Variants in PPP3CA observed in about 807,000 individuals in gnomAD.
The protein encoded by PPP3CA is protein phosphatase 3 catalytic subunit alpha.
A neutral mutation model predicts 66.5 loss-of-function variants in PPP3CA; 14 were observed. The observed-to-expected ratio is 0.21, with a 90% CI of 0.14 to 0.33. PPP3CA has a LOEUF of 0.33. Ranked by LOEUF, PPP3CA falls within the 10% of genes least tolerant of loss-of-function variation. The probability of loss-of-function intolerance (pLI) is 1.00; values close to 1 mark genes in which losing one functional copy is unlikely to be tolerated. For missense variants in PPP3CA, 317 were observed against 639.5 expected, an observed-to-expected ratio of 0.50 and a Z score of 5.44; for synonymous variants, 232 against 226.2, an observed-to-expected ratio of 1.03 and a Z score of -0.23.
intron 1 of PPP3CA, among the ~76,000 whole-genome samples, chr4:101,232,801 T>C (rs1473194432): frequency 6.6e-6 from 1 of 151,764 alleles, no homozygotes; most frequent in Non-Finnish European, 1.5e-5. Context: ...TTATTATTTT[T>C]TGTTCTTTTA....
chr4:101,271,708 T>C (rs776495454), intron 1 of PPP3CA, among the ~76,000 whole-genome samples: 13 of 152,138 alleles, frequency 8.5e-5, no homozygotes, highest in Non-Finnish European at 1.8e-4. Flanking sequence ...TGTTGCTACA[T>C]GAGTCAGCAC....
intron 9 of PPP3CA, 125 bp downstream of exon 9, chr4:101,063,106 TC>T (rs1213589569): frequency 8.3e-7 from 1 of 1,204,354 alleles, no homozygotes; most frequent in African/African-American, 1.5e-5. Flanking sequence ...CCAAATCACA[TC>T]TTTCATTGTA....
intron 8 of PPP3CA, among the ~76,000 whole-genome samples, chr4:101,073,792 CTTA>C (rs1458571373): frequency 6.6e-6 from 1 of 152,036 alleles, no homozygotes; most frequent in Non-Finnish European, 1.5e-5. Context: ...GGGGGGATGT[CTTA>C]TTGTTTTACT....
chr4:101,106,450 A>AAAGAAGAG lies in PPP3CA; in HGVS notation c.384+2503_384+2504insCTCTTCTT, dbSNP rs751759518. ...GAAAGAAAGAAAGAAAGAAAGAAAG[A>AAAGAAGAG]AAGAGAAAAGAAAAGAAAAGAAAAG... On this transcript the variant is annotated intron_variant, in intron 3 of 13. Coordinates refer to ENST00000394854, the MANE Select transcript of PPP3CA (RefSeq NM_000944.5). Among the ~76,000 whole-genome samples the AAAGAAGAG allele has an allele frequency of 6.2e-3, 69 of 11,122 alleles. 22 individuals carry two copies. Among genetic ancestry groups the AAAGAAGAG allele is most frequent in the African/African-American group, 0.021 (53 of 2,472 alleles). The allele number at this position is 11,122 out of a possible 152,430, so 7.3% of individuals were successfully genotyped here. A position where few individuals can be genotyped will look rare whatever the true frequency, so the allele number is the denominator to read the frequency against.
intron 1 of PPP3CA, among the ~76,000 whole-genome samples, chr4:101,299,808 A>G (rs1026570176): frequency 2.6e-5 from 4 of 152,314 alleles, no homozygotes; most frequent in Admixed American, 2.6e-4. Flanking sequence ...TCATCAGGTC[A>G]TAAGCATTAG....
intron 10 of PPP3CA, among the ~76,000 whole-genome samples, chr4:101,042,086 T>C (rs533682514): frequency 6.6e-6 from 1 of 152,212 alleles, no homozygotes; most frequent in Admixed American, 6.5e-5. Flanking sequence ...TTTGATTGTG[T>C]GGATCAATTA....
intron 1 of PPP3CA, among the ~76,000 whole-genome samples, chr4:101,323,201 C>T (rs1729095822): frequency 6.6e-6 from 1 of 152,120 alleles, no homozygotes; most frequent in Admixed American, 6.5e-5. Flanking sequence ...ACTTGCCTGC[C>T]CCATTTCCTC....
intron 1 of PPP3CA, among the ~76,000 whole-genome samples, chr4:101,219,531 A>T (rs1725559497): frequency 6.6e-6 from 1 of 151,948 alleles, no homozygotes. Flanking sequence ...AGCTTTCAGT[A>T]GAAAAGCCTA....
intron 1 of PPP3CA, among the ~76,000 whole-genome samples, chr4:101,213,173 T>C (rs1488611544): frequency 6.6e-6 from 1 of 152,174 alleles, no homozygotes; most frequent in Non-Finnish European, 1.5e-5. Flanking sequence ...ATAAATATGA[T>C]AGTTTTTTTA....
intron 6 of PPP3CA, among the ~76,000 whole-genome samples, chr4:101,087,986 A>G (rs958044458): frequency 2.6e-5 from 4 of 152,086 alleles, no homozygotes; most frequent in Admixed American, 6.5e-5. Context: ...ATCTTCCCCA[A>G]TGACTCTGGT....
At chr4:101,027,619 A>C (rs1460318070) in intron 13 of PPP3CA, among the ~76,000 whole-genome samples, 1 of 152,188 alleles carries the variant, frequency 6.6e-6, no homozygotes, top group African/African-American at 2.4e-5. Context: ...GAATAGCATG[A>C]AGTGGTACTC....
chr4:101,117,609 C>T (rs955307444), intron 2 of PPP3CA, among the ~76,000 whole-genome samples: 1 of 151,486 alleles, frequency 6.6e-6, no homozygotes, highest in Admixed American at 6.6e-5. Context: ...AGCATCATAG[C>T]ATTATATAAA....
At chr4:101,305,766 G>T (rs529267810) in intron 1 of PPP3CA, among the ~76,000 whole-genome samples, 222 of 152,244 alleles carry the variant, frequency 1.5e-3, no homozygotes, top group Non-Finnish European at 2.4e-3. Context: ...AAAACAGCAG[G>T]TTATGGAGGG....
At chr4:101,102,240 G>A (rs529481617) in intron 3 of PPP3CA, among the ~76,000 whole-genome samples, 6 of 150,820 alleles carry the variant, frequency 4.0e-5, no homozygotes, top group African/African-American at 1.5e-4. Context: ...AGGAGGGAGG[G>A]AGGCAGAGAA....
Position 101,203,419 on chromosome 4 carries a change from C to T in PPP3CA, c.59-7303G>A, listed in dbSNP as rs529165285. ...CTAAGGCAGGAGAACCACCTGAACC[C>T]GGGAGGCGGAGGCTGCAGTGAGCCG... On this transcript the variant is annotated intron_variant, in intron 1 of 13. Coordinates refer to ENST00000394854, the MANE Select transcript of PPP3CA (RefSeq NM_000944.5). 7.1e-4 allele frequency among the ~76,000 whole-genome samples: 108 copies of T among 152,154 alleles called. 1 individual carries two copies. The highest frequency in any genetic ancestry group is 2.5e-3 in the African/African-American group (105 of 41,522).
intron 2 of PPP3CA, among the ~76,000 whole-genome samples, chr4:101,124,037 G>C (rs1722118912): frequency 6.6e-6 from 1 of 152,150 alleles, no homozygotes; most frequent in Non-Finnish European, 1.5e-5. Flanking sequence ...CACTTGATTA[G>C]AACTATCCCC....
chr4:101,266,582 TA>T (rs1273698165), intron 1 of PPP3CA, among the ~76,000 whole-genome samples: 2 of 152,156 alleles, frequency 1.3e-5, no homozygotes, highest in Non-Finnish European at 2.9e-5. Context: ...AAAGATGGCC[TA>T]ATGAAATCTC....
chr4:101,264,286 T>C (rs779267315), intron 1 of PPP3CA, among the ~76,000 whole-genome samples: 18 of 152,186 alleles, frequency 1.2e-4, no homozygotes, highest in Non-Finnish European at 2.4e-4. Context: ...AGCACTTTAT[T>C]AGTAAATGAG....
At chr4:101,311,424 A>C (rs1009483027) in intron 1 of PPP3CA, among the ~76,000 whole-genome samples, 11 of 152,196 alleles carry the variant, frequency 7.2e-5, no homozygotes, top group African/African-American at 2.7e-4. Context: ...GCTATTTGTT[A>C]GGTGTTCTGG....
Sources: gnomAD v4.1 joint callset for allele counts (sites outside exome capture counted in the v4.1 genomes callset) on GRCh38, gnomAD v4.1.1 for gene constraint, MANE v1.5 for transcripts, NCBI Gene and HGNC (gene_info 2026-07-23, HGNC 2026-07-21) for gene names.